TBCD: variants seen among roughly 807,000 people sequenced by gnomAD.
TBCD encodes the protein tubulin folding cofactor D, also known as tubulin-specific chaperone D.
In TBCD, 105 loss-of-function variants were observed where a neutral mutation model predicts 169.3. That is an observed-to-expected ratio of 0.62 (90% CI 0.53 to 0.73). The LOEUF (loss-of-function observed/expected upper bound fraction) is 0.73. TBCD is among the 30% of genes least tolerant of loss of function. TBCD has a pLI of 0.00. For missense variants in TBCD, 1,444 were observed against 1,600.1 expected (o/e 0.90, Z 1.66); for synonymous variants, 700 against 643.9 (o/e 1.09, Z -1.32).
chr17:82,837,139 A>G (rs1285745956), intron 13 of TBCD, among the ~76,000 whole-genome samples: 1 of 152,244 alleles, frequency 6.6e-6, no homozygotes, highest in Non-Finnish European at 1.5e-5. Context: ...CAGAGAAGTA[A>G]GTGGGATAAC....
chr17:82,834,547 C>T (rs549192182), intron 13 of TBCD, among the ~76,000 whole-genome samples: 3 of 152,142 alleles, frequency 2.0e-5, no homozygotes. Flanking sequence ...TAAAAAGGAA[C>T]GCGATCATGT....
At chr17:82,895,163 C>T (rs1173772902) in intron 17 of TBCD, among the ~76,000 whole-genome samples, 1 of 152,262 alleles carries the variant, frequency 6.6e-6, no homozygotes, top group Non-Finnish European at 1.5e-5. Context: ...GCATGTCTTC[C>T]CCCAGTGTGT....
At chr17:82,850,814 G>A (rs1485197732) in intron 13 of TBCD, among the ~76,000 whole-genome samples, 6 of 152,220 alleles carry the variant, frequency 3.9e-5, no homozygotes, top group African/African-American at 1.2e-4. Context: ...TCTAAAAGCT[G>A]AAAAGCAAAA....
In TBCD at chr17:82,795,616, C is replaced by T. The variant is rs372423628; in HGVS notation, c.772-2141C>T. On this transcript the variant is annotated intron_variant, in intron 7 of 38. Transcript: ENST00000355528. ...CTTTGCCTGTAGGATGAGATTTCAG[C>T]CGCTCGCAGGTTCATTTGTTGTGGA... 5.1e-6 allele frequency: 5 copies of T among 985,346 alleles called. No individual in the cohort carries two copies. In the African/African-American group the frequency reaches 7.0e-5, roughly 14 times the overall value. The allele number at this position is 985,346 out of a possible 1,614,324, so 61.0% of individuals were successfully genotyped here.
At position 82,927,234 on chromosome 17, in the gene TBCD, G is replaced by A. The variant is rs1370324337; in HGVS notation, c.2520G>A (p.Val840=). ...GVKAGAPDEA[V]CGENVSQIYC... ...AAGCAGGAGCCCCAGACGAAGCTGT[G>A]TGCGGAGAGAATGTTTCCCAGATTT... Residue 840 remains valine (V), a synonymous_variant, in exon 29 of 39, where the codon GTG becomes GTA. Coordinates refer to ENST00000355528, the MANE Select transcript of TBCD (RefSeq NM_005993.5). 1.2e-6 allele frequency: 2 copies of A among 1,613,880 alleles called. No individual in the cohort carries two copies. Among genetic ancestry groups the A allele is most frequent in the Non-Finnish European group, 1.7e-6 (2 of 1,179,880 alleles).
At chr17:82,776,043 C>A (rs1383914398) in intron 6 of TBCD, among the ~76,000 whole-genome samples, 1 of 152,058 alleles carries the variant, frequency 6.6e-6, no homozygotes, top group African/African-American at 2.4e-5. Context: ...ATGGTGAAAC[C>A]CTGTCTCCAC....
chr17:82,933,362 C>A (rs1233591542), intron 34 of TBCD, among the ~76,000 whole-genome samples: 1 of 149,014 alleles, frequency 6.7e-6, no homozygotes, highest in African/African-American at 2.5e-5. Context: ...GCAGCCTCTA[C>A]CTCAGCCTCC....
At chr17:82,813,447 T>C (rs541156724) in intron 12 of TBCD, among the ~76,000 whole-genome samples, 8 of 152,238 alleles carry the variant, frequency 5.3e-5, no homozygotes, top group Middle Eastern at 6.8e-3. Context: ...CTGGTGTCCA[T>C]GGACAGGGTC....
At chr17:82,853,159 A>G (rs1196412642) in intron 13 of TBCD, among the ~76,000 whole-genome samples, 1 of 148,864 alleles carries the variant, frequency 6.7e-6, no homozygotes, top group Non-Finnish European at 1.5e-5. Context: ...AGCTCACTGC[A>G]TCCTTGACCT....
At chr17:82,840,802 A>G (rs1213178311) in intron 13 of TBCD, among the ~76,000 whole-genome samples, 2 of 151,924 alleles carry the variant, frequency 1.3e-5, no homozygotes, top group African/African-American at 4.8e-5. Flanking sequence ...GCCGCACCCC[A>G]GTTGTAGCGA....
At chr17:82,936,981 T>C (rs936480836) in intron 34 of TBCD, among the ~76,000 whole-genome samples, 1 of 152,136 alleles carries the variant, frequency 6.6e-6, no homozygotes, top group African/African-American at 2.4e-5. Context: ...GGACAGACCC[T>C]GGGGCCTGGA....
chr17:82,759,259 G>C (rs141546329), intron 2 of TBCD, among the ~76,000 whole-genome samples: 1,798 of 152,066 alleles, frequency 0.012, 104 homozygotes, highest in Admixed American at 0.099. Context: ...GAGGCGGGTG[G>C]ATTACAAGGT....
At chr17:82,783,923 G>C (rs987074661) in intron 7 of TBCD, among the ~76,000 whole-genome samples, 2 of 152,100 alleles carry the variant, frequency 1.3e-5, no homozygotes, top group African/African-American at 4.8e-5. Flanking sequence ...TCGGGAGTTC[G>C]AGACCAGCCT....
At chr17:82,926,294 A>G in intron 27 of TBCD, 106 bp from the exon 28 acceptor site, 3 of 1,045,146 alleles carry the variant, frequency 2.9e-6, no homozygotes, top group East Asian at 2.6e-5. Context: ...GGAGCTGCCT[A>G]TCTCATGGTG....
At chr17:82,780,219 A>G (rs529713639) in intron 6 of TBCD, among the ~76,000 whole-genome samples, 1 of 152,184 alleles carries the variant, frequency 6.6e-6, no homozygotes, top group East Asian at 1.9e-4. Context: ...CTTTCCTCCC[A>G]GGTTTTGCAG....
At position 82,875,058 on chromosome 17, in the gene TBCD, A is replaced by T. The variant is rs142567368; in HGVS notation, c.1475+4678A>T. ...CTTCTGAGAGTCAGTTCGGGGGTTTAGTGGCTCACTTTTTCTAATTGGTTC... is the reference window on the plus strand; with the variant it reads ...CTTCTGAGAGTCAGTTCGGGGGTTTTGTGGCTCACTTTTTCTAATTGGTTC... On this transcript the variant is annotated intron_variant, in intron 14 of 38. Transcript: ENST00000355528. Among the ~76,000 whole-genome samples the T allele has an allele frequency of 3.3e-5, 5 of 152,284 alleles. No homozygotes were observed. The East Asian group carries it at 9.7e-4, about 29-fold the overall frequency.
At chr17:82,858,945 T>G (rs2056536815) in intron 13 of TBCD, among the ~76,000 whole-genome samples, 1 of 152,238 alleles carries the variant, frequency 6.6e-6, no homozygotes, top group Non-Finnish European at 1.5e-5. Flanking sequence ...TCAGCGCCTC[T>G]GTGGGGCTGG....
intron 12 of TBCD, among the ~76,000 whole-genome samples, chr17:82,812,832 G>A (rs142634942): frequency 1.3e-5 from 2 of 152,232 alleles, no homozygotes; most frequent in African/African-American, 2.4e-5. Context: ...GAGCCACCGC[G>A]CCCGGCTGTT....
Position 82,814,926 on chromosome 17 carries a change from T to C in TBCD, c.1310T>C (p.Leu437Pro). The C allele has an allele frequency of 6.2e-7, 1 of 1,611,986 alleles. No individual in the cohort carries two copies. Among genetic ancestry groups the C allele is most frequent in the Middle Eastern group, 1.7e-4 (1 of 6,046 alleles). Reference protein sequence around the residue: ...GRRGLLLPSRLVDVVAVILKA... With the variant: ...GRRGLLLPSRPVDVVAVILKA... ...AGAGGCCTGTTGCTGCCGTCTCGACTCGTGGATGGTGAGTAGCTGAGGCAC... is the reference window on the plus strand; with the variant it reads ...AGAGGCCTGTTGCTGCCGTCTCGACCCGTGGATGGTGAGTAGCTGAGGCAC... The change falls in exon 13 of 39, where the codon CTC (leucine) becomes CCC (proline). Residue 437 changes from leucine (L) to proline (P), a missense_variant. Coordinates refer to ENST00000355528, the MANE Select transcript of TBCD (RefSeq NM_005993.5).
Sources: gnomAD v4.1 joint callset for allele counts (sites outside exome capture counted in the v4.1 genomes callset) on GRCh38, gnomAD v4.1.1 for gene constraint, MANE v1.5 for transcripts, NCBI Gene and HGNC (gene_info 2026-07-23, HGNC 2026-07-21) for gene names.